Variants in ATRN observed in about 807,000 individuals in gnomAD.
ATRN encodes the protein attractin-2.
A neutral mutation model predicts 178.7 loss-of-function variants in ATRN; 54 were observed. The observed-to-expected ratio is 0.30, with a 90% CI of 0.24 to 0.38. The LOEUF (loss-of-function observed/expected upper bound fraction) is 0.38, where lower values mean the gene tolerates loss of function less well. Among genes scored for constraint, ATRN ranks in the 10% least tolerant of loss-of-function variants. The pLI, the probability that ATRN is intolerant of heterozygous loss-of-function variation, is 1.00. For missense variants in ATRN, 1,443 were observed against 1,815.1 expected, an observed-to-expected ratio of 0.79 and a Z score of 3.73; for synonymous variants, 636 against 663.0, an observed-to-expected ratio of 0.96 and a Z score of 0.63.
chr20:3,642,442 T>A (rs1269314756), intron 27 of ATRN, among the ~76,000 whole-genome samples: 1 of 152,240 alleles, frequency 6.6e-6, no homozygotes, highest in Non-Finnish European at 1.5e-5. Flanking sequence ...ATCGTGGAAT[T>A]GTTCTTGACT....
intron 1 of ATRN, among the ~76,000 whole-genome samples, chr20:3,485,609 G>T (rs2084679513): frequency 2.4e-5 from 2 of 84,738 alleles, no homozygotes; most frequent in East Asian, 2.8e-4. Context: ...ATTTTTTTGA[G>T]GTTTTTTTTT....
chr20:3,565,305 A>G, intron 10 of ATRN, 43 bp from the exon 11 acceptor site: 2 of 1,485,808 alleles, frequency 1.3e-6, no homozygotes, highest in African/African-American at 1.4e-5. Flanking sequence ...CCTGTTGATT[A>G]GAAATGGTAG....
intron 1 of ATRN, chr20:3,490,741 C>T (rs1017504515): frequency 6.3e-6 from 5 of 791,812 alleles, no homozygotes; most frequent in African/African-American, 1.7e-5. Context: ...TGGTGGAATT[C>T]CTTTATTTAC....
intron 27 of ATRN, among the ~76,000 whole-genome samples, chr20:3,640,543 A>G (rs2087059805): frequency 6.6e-6 from 1 of 152,260 alleles, no homozygotes; most frequent in Non-Finnish European, 1.5e-5. Flanking sequence ...GAAGGAAAGA[A>G]AACAAGTTGG....
intron 1 of ATRN, among the ~76,000 whole-genome samples, chr20:3,521,995 G>A (rs539280423): frequency 1.1e-4 from 16 of 150,834 alleles, no homozygotes; most frequent in Admixed American, 2.7e-4. Context: ...TCACTATGTT[G>A]CCTAGGCTGG....
chr20:3,507,573 T>A (rs959907430), intron 1 of ATRN, among the ~76,000 whole-genome samples: 1 of 152,110 alleles, frequency 6.6e-6, no homozygotes, highest in East Asian at 1.9e-4. Flanking sequence ...TCCTAGAATG[T>A]TCACAAAGTG....
intron 1 of ATRN, among the ~76,000 whole-genome samples, chr20:3,504,795 T>G (rs2085017745): frequency 6.6e-6 from 1 of 151,312 alleles, no homozygotes; most frequent in African/African-American, 2.4e-5. Flanking sequence ...GAATAAAAAA[T>G]ATAAAACCAT....
At chr20:3,535,547 A>G (rs1031744771) in intron 2 of ATRN, among the ~76,000 whole-genome samples, 21 of 151,780 alleles carry the variant, frequency 1.4e-4, no homozygotes, top group African/African-American at 5.1e-4. Context: ...TGTACACACC[A>G]CAAATTTGTG....
At chr20:3,582,396 TGA>T (rs1356882560) in intron 16 of ATRN, 42 bp downstream of exon 16, 5 of 1,569,596 alleles carry the variant, frequency 3.2e-6, no homozygotes, top group South Asian at 2.2e-5. Context: ...GAGTTTATTG[TGA>T]GAGAAACCAT....
intron 1 of ATRN, among the ~76,000 whole-genome samples, chr20:3,533,052 A>G (rs374483391): frequency 1.3e-5 from 2 of 152,150 alleles, no homozygotes; most frequent in Admixed American, 6.5e-5. Flanking sequence ...GTGAGCCACC[A>G]CGCCCAGCCT....
At chr20:3,535,588 T>TAC (rs11468707) in intron 2 of ATRN, among the ~76,000 whole-genome samples, 3,633 of 143,180 alleles carry the variant, frequency 0.025, 112 homozygotes, top group African/African-American at 0.077. Context: ...CAGAAACGGT[T>TAC]ACACACACAC....
chr20:3,482,100 T>A (rs1052698970), intron 1 of ATRN, among the ~76,000 whole-genome samples: 12 of 151,942 alleles, frequency 7.9e-5, no homozygotes, highest in Admixed American at 1.3e-4. Context: ...ATCCTGTTTT[T>A]AAGATAATTT....
intron 24 of ATRN, among the ~76,000 whole-genome samples, chr20:3,608,320 T>C (rs1486464672): frequency 6.6e-6 from 1 of 152,208 alleles, no homozygotes. Flanking sequence ...TATTTTCTTC[T>C]AGTAGTTTTA....
intron 1 of ATRN, among the ~76,000 whole-genome samples, chr20:3,506,997 G>C (rs1377834131): frequency 1.3e-5 from 2 of 150,344 alleles, no homozygotes; most frequent in Admixed American, 6.6e-5. Flanking sequence ...AGAGACAAAG[G>C]AATGAAAAAT....
Position 3,550,199 on chromosome 20 carries a change from G to A in ATRN, c.1112+861G>A, listed in dbSNP as rs149235842. On this transcript the variant is annotated intron_variant, in intron 6 of 28. Coordinates refer to ENST00000262919, the MANE Select transcript of ATRN (RefSeq NM_139321.3). Reference sequence around the variant, plus strand: ...AAAAATTAGCCAGGTGCGGTGGCCGGCACCTGTAGTCTCAGCTGCTCAGGA... The same window carrying A: ...AAAAATTAGCCAGGTGCGGTGGCCGACACCTGTAGTCTCAGCTGCTCAGGA... 1.4e-3 allele frequency among the ~76,000 whole-genome samples: 210 copies of A among 152,274 alleles called. 1 individual carries two copies. Among genetic ancestry groups the A allele is most frequent in the Non-Finnish European group, 2.4e-3 (161 of 68,012 alleles).
intron 1 of ATRN, among the ~76,000 whole-genome samples, chr20:3,496,987 T>C (rs1427758796): frequency 2.0e-5 from 3 of 151,936 alleles, no homozygotes; most frequent in Non-Finnish European, 2.9e-5. Flanking sequence ...TTGCAACCCC[T>C]GCCTTTTATT....
chr20:3,631,770 A>C (rs1282577297), intron 25 of ATRN, among the ~76,000 whole-genome samples: 1 of 152,182 alleles, frequency 6.6e-6, no homozygotes, highest in Non-Finnish European at 1.5e-5. Flanking sequence ...GCTCTTGACC[A>C]ACTTAGAAGC....
At chr20:3,541,106 C>T (rs1201309267) in intron 3 of ATRN, among the ~76,000 whole-genome samples, 23 of 126,814 alleles carry the variant, frequency 1.8e-4, no homozygotes, top group Non-Finnish European at 3.1e-4. Flanking sequence ...GAGACGGAGT[C>T]TCGCTCTGTC....
chr20:3,505,163 T>A (rs1233272883), intron 1 of ATRN, among the ~76,000 whole-genome samples: 1 of 152,184 alleles, frequency 6.6e-6, no homozygotes, highest in African/African-American at 2.4e-5. Context: ...CCCTGCCTAA[T>A]ATGGGTGGCC....
Sources: allele counts gnomAD v4.1 joint callset (sites outside exome capture counted in the v4.1 genomes callset), GRCh38; gene constraint gnomAD v4.1.1; transcripts MANE v1.5; gene names NCBI Gene and HGNC (gene_info 2026-07-23, HGNC 2026-07-21).